Variants in DGAT2 observed in about 807,000 individuals in gnomAD.
DGAT2 encodes the protein diacylglycerol O-acyltransferase 2.
Under a neutral mutation model 48.4 loss-of-function variants are expected in DGAT2, and 33 were observed. The ratio of observed to expected loss-of-function variants is 0.68; its 90% CI spans 0.52 to 0.91. DGAT2 has a LOEUF of 0.91. DGAT2 is among the 40% of genes least tolerant of loss of function. The probability of loss-of-function intolerance (pLI) is 0.00; values close to 1 mark genes in which losing one functional copy is unlikely to be tolerated. For missense variants in DGAT2, 446 were observed against 493.7 expected (o/e 0.90, Z 0.92); for synonymous variants, 191 against 194.1 (o/e 0.98, Z 0.13).
At position 75,782,849 on chromosome 11, in the gene DGAT2, T is replaced by C. The variant is rs556767260; in HGVS notation, c.122-1769T>C. Among the ~76,000 whole-genome samples the C allele has an allele frequency of 3.3e-5, 5 of 152,340 alleles. No individual in the cohort carries two copies. The East Asian group carries it at 5.8e-4, about 18-fold the overall frequency. On this transcript the variant is annotated intron_variant, in intron 1 of 7. Transcript: ENST00000228027. ...AGGAATGCTGGGTTTCAGTCCTGGC[T>C]CTGCCGCCTACTGCCTGGGTAGCCC...
chr11:75,791,524 G>A (rs949699176), intron 4 of DGAT2, among the ~76,000 whole-genome samples: 2 of 152,208 alleles, frequency 1.3e-5, no homozygotes, highest in South Asian at 2.1e-4. Context: ...TGGAGGTAAA[G>A]AAACTGAGCC....
Position 75,798,356 on chromosome 11 carries a change from C to T in DGAT2, c.939C>T (p.Ile313=). Residue 313 remains isoleucine (I), a synonymous_variant, in exon 7 of 8, where the codon ATC becomes ATT. Transcript: ENST00000228027. ...AATACATTGGTTTCGCCCCATGCATCTTCCATGGTCGAGGCCTCTTCTCCT... is the reference window on the plus strand; with the variant it reads ...AATACATTGGTTTCGCCCCATGCATTTTCCATGGTCGAGGCCTCTTCTCCT... The part of the protein sequence containing the change: ...FQKYIGFAPC[I]FHGRGLFSSD... 2 of 1,614,190 alleles carry T rather than the reference C, an allele frequency of 1.2e-6. No homozygotes were observed. The highest frequency in any genetic ancestry group is 1.7e-6 in the Non-Finnish European group (2 of 1,180,042).
chr11:75,783,602 A>C (rs995113372), intron 1 of DGAT2, among the ~76,000 whole-genome samples: 1 of 152,178 alleles, frequency 6.6e-6, no homozygotes, highest in African/African-American at 2.4e-5. Context: ...ATGGGCACAC[A>C]GTAGGTGCTT....
chr11:75,780,898 A>G (rs1358513775), intron 1 of DGAT2, among the ~76,000 whole-genome samples: 1 of 152,164 alleles, frequency 6.6e-6, no homozygotes, highest in Non-Finnish European at 1.5e-5. Context: ...TGTGCATCAT[A>G]CCTTTCACTC....
At chr11:75,799,903 C>CCA (rs974178507) in intron 7 of DGAT2, among the ~76,000 whole-genome samples, 3 of 152,122 alleles carry the variant, frequency 2.0e-5, no homozygotes, top group Admixed American at 1.3e-4. Context: ...CAGGCGTGAG[C>CCA]CACCACTCCT....
In DGAT2 at chr11:75,801,507, T is replaced by A. The variant is rs1463406696; in HGVS notation, c.*999T>A. 1 of 152,624 alleles carries A rather than the reference T, an allele frequency of 6.6e-6. No individual in the cohort carries two copies. Among genetic ancestry groups the A allele is most frequent in the Admixed American group, 6.5e-5 (1 of 15,278 alleles). 9.5% of individuals were successfully genotyped at this position (152,624 alleles called of 1,614,324 possible). A position where few individuals can be genotyped will look rare whatever the true frequency, so the allele number is the denominator to read the frequency against. On this transcript the variant is annotated 3_prime_UTR_variant, in exon 8 of 8. Transcript: ENST00000228027. ...ACCATGTCAGACTTTTGTATATGCC[T>A]TGAAAATAAATGAAAGTGAGAATCC...
intron 1 of DGAT2, among the ~76,000 whole-genome samples, chr11:75,783,031 C>T (rs572542620): frequency 5.9e-5 from 9 of 152,290 alleles, no homozygotes; most frequent in East Asian, 1.9e-4. Context: ...GTAAAGGGGG[C>T]GAAGGAGCAA....
intron 2 of DGAT2, among the ~76,000 whole-genome samples, chr11:75,788,589 G>C (rs531098232): frequency 6.6e-6 from 1 of 152,058 alleles, no homozygotes; most frequent in Non-Finnish European, 1.5e-5. Context: ...CTCCCTTTAG[G>C]CTCATGGAGA....
chr11:75,788,036 A>G (rs1944940276), intron 2 of DGAT2, among the ~76,000 whole-genome samples: 1 of 152,156 alleles, frequency 6.6e-6, no homozygotes. Flanking sequence ...CCAGCCCTCT[A>G]AGCAGTGGGG....
intron 4 of DGAT2, chr11:75,796,108 CCA>C (rs565283864): frequency 7.6e-5 from 44 of 576,630 alleles, no homozygotes; most frequent in African/African-American, 6.5e-4. Flanking sequence ...CAAACATTGC[CCA>C]CCCCTTCCCA....
At chr11:75,790,379 G>A in intron 3 of DGAT2, 84 bp downstream of exon 3, 2 of 1,221,614 alleles carry the variant, frequency 1.6e-6, no homozygotes, top group Non-Finnish European at 2.4e-6. Context: ...CATCCTGAGT[G>A]CTGTTTCTTT....
Position 75,797,272 on chromosome 11 carries a change from G to A in DGAT2, c.749G>A (p.Gly250Asp), listed in dbSNP as rs151179593. 1.4e-3 allele frequency: 2,158 copies of A among 1,574,470 alleles called. 3 individuals are homozygous for A. Among genetic ancestry groups the A allele is most frequent in the Admixed American group, 1.7e-3 (94 of 54,694 alleles). ...GAAESLSSMP[G>D]KNAVTLRNRK... ...GCTGAGTCTCTGAGCTCCATGCCTG[G>A]CAAGAATGCAGTCACCCTGCGGAAC... The change falls in exon 6 of 8, where the codon GGC becomes GAC. Residue 250 changes from glycine to aspartate, a missense_variant. Physicochemically the swap from Gly to Asp is moderately conservative, Grantham distance 94. Coordinates refer to ENST00000228027, the MANE Select transcript of DGAT2 (RefSeq NM_032564.5).
chr11:75,800,519 G>C lies in DGAT2; in HGVS notation c.*11G>C, dbSNP rs558835232. On this transcript the variant is annotated 3_prime_UTR_variant, in exon 8 of 8. Transcript: ENST00000228027. ...CTGGAGGTGAACTGAGCCAGCCTTC[G>C]GGGCCAATTCCCTGGAGGAACCAGC... The C allele has an allele frequency of 6.2e-7, 1 of 1,613,082 alleles. No individual in the cohort carries two copies. Among genetic ancestry groups the C allele is most frequent in the Admixed American group, 1.7e-5 (1 of 59,858 alleles).
Position 75,768,781 on chromosome 11 carries a change from GC to G in DGAT2, c.-210del. On this transcript the variant is annotated 5_prime_UTR_variant, in exon 1 of 8. Coordinates refer to ENST00000228027, the MANE Select transcript of DGAT2 (RefSeq NM_032564.5). Reference sequence around the variant, plus strand: ...TGTTGCGCTCCGGGACGCCAGCGCCGCGGCTGCCGCCTCTGCTGGGGTCTAG... The same window carrying G: ...TGTTGCGCTCCGGGACGCCAGCGCCGGGCTGCCGCCTCTGCTGGGGTCTAG... 2 of 493,902 alleles carry G rather than the reference GC, an allele frequency of 4.0e-6. No individual in the cohort carries two copies. The highest frequency in any genetic ancestry group is 6.4e-6 in the Non-Finnish European group (2 of 310,396). The allele number at this position is 493,902 out of a possible 1,614,324, so 30.6% of individuals were successfully genotyped here.
rs1381270440 is a variant in DGAT2, at chr11:75,801,045, C to T, written c.*537C>T. 1 of 156,846 alleles carries T rather than the reference C, an allele frequency of 6.4e-6. No homozygotes were observed. Among genetic ancestry groups the T allele is most frequent in the Admixed American group, 6.4e-5 (1 of 15,710 alleles). 9.7% of individuals were successfully genotyped at this position (156,846 alleles called of 1,614,324 possible). A position where few individuals can be genotyped will look rare whatever the true frequency, so the allele number is the denominator to read the frequency against. ...TCCAGTTTGATCTCCCTTCTGCCAC[C>T]CCTACCTCACCCCTAGTCACTCATA... On this transcript the variant is annotated 3_prime_UTR_variant, in exon 8 of 8. Transcript: ENST00000228027.
intron 1 of DGAT2, among the ~76,000 whole-genome samples, chr11:75,779,076 C>A (rs988905197): frequency 6.6e-6 from 1 of 152,112 alleles, no homozygotes; most frequent in South Asian, 2.1e-4. Context: ...TCATCAGCCC[C>A]GAGGTGTGGC....
At chr11:75,790,567 G>A in intron 3 of DGAT2, 94 bp from the exon 4 acceptor site, 1 of 1,172,470 alleles carries the variant, frequency 8.5e-7, no homozygotes, top group South Asian at 1.2e-5. Context: ...ATGGGGTGAT[G>A]GTCACCTGCT....
chr11:75,794,331 TTCTGCTGGTGGCCAGTGAC>T (rs1168591093), intron 4 of DGAT2: 1 of 152,210 alleles, frequency 6.6e-6, no homozygotes, highest in African/African-American at 2.4e-5. Context: ...GCTCTTGACA[TTCTGCTGGTGGCCAGTGAC>T]TCTGCTTCCA....
chr11:75,769,985 C>T (rs1417447249), intron 1 of DGAT2, among the ~76,000 whole-genome samples: 2 of 152,072 alleles, frequency 1.3e-5, no homozygotes, highest in Non-Finnish European at 2.9e-5. Flanking sequence ...ACACCGCCCA[C>T]CTTTGTTACA....
Sources: gnomAD v4.1 joint callset for allele counts (sites outside exome capture counted in the v4.1 genomes callset) on GRCh38, gnomAD v4.1.1 for gene constraint, MANE v1.5 for transcripts, NCBI Gene and HGNC (gene_info 2026-07-23, HGNC 2026-07-21) for gene names.